Variants in MBNL1 observed in about 807,000 individuals in gnomAD.
The protein encoded by MBNL1 is muscleblind-like protein 1.
MBNL1 carries 8 observed loss-of-function variants against 42.2 expected under a neutral mutation model. The ratio of observed to expected loss-of-function variants is 0.19; its 90% CI spans 0.11 to 0.34. MBNL1 has a LOEUF of 0.34. Ranked by LOEUF, MBNL1 falls within the 10% of genes least tolerant of loss-of-function variation. The pLI, the probability that MBNL1 is intolerant of heterozygous loss-of-function variation, is 1.00. For missense variants in MBNL1, 309 were observed against 495.3 expected (o/e 0.62, Z 3.57); for synonymous variants, 169 against 173.9 (o/e 0.97, Z 0.22).
At chr3:152,297,647 C>T (rs1268213154) in intron 1 of MBNL1, among the ~76,000 whole-genome samples, 1 of 151,948 alleles carries the variant, frequency 6.6e-6, no homozygotes, top group Non-Finnish European at 1.5e-5. Flanking sequence ...AGCCACTGTG[C>T]CCAGCCATGG....
chr3:152,338,704 C>T (rs983972941), intron 2 of MBNL1: 5 of 984,916 alleles, frequency 5.1e-6, no homozygotes, highest in Non-Finnish European at 6.0e-6. Flanking sequence ...GGAAGCCGTT[C>T]TAGAAGCTAA....
At chr3:152,328,624 A>T (rs1560165623) in intron 2 of MBNL1, among the ~76,000 whole-genome samples, 1 of 152,198 alleles carries the variant, frequency 6.6e-6, no homozygotes. Context: ...CTTTGCTAAC[A>T]TGCTTTATGA....
intron 2 of MBNL1, chr3:152,335,097 T>A: frequency 1.6e-6 from 2 of 1,283,270 alleles, no homozygotes; most frequent in Non-Finnish European, 2.0e-6. Context: ...TATCCATTAC[T>A]CTTGGTGCTG....
intron 2 of MBNL1, among the ~76,000 whole-genome samples, chr3:152,353,871 A>G (rs531687739): frequency 7.2e-5 from 11 of 152,298 alleles, no homozygotes; most frequent in Non-Finnish European, 1.5e-4. Context: ...AATATTAGAA[A>G]AGATGAGAGA....
chr3:152,303,193 A>C (rs1474723337), intron 2 of MBNL1, among the ~76,000 whole-genome samples: 4 of 152,160 alleles, frequency 2.6e-5, no homozygotes, highest in Admixed American at 6.5e-5. Context: ...ATGTAAATGT[A>C]GAAGTCTGTA....
chr3:152,319,847 A>G (rs1041569528), intron 2 of MBNL1, among the ~76,000 whole-genome samples: 8 of 152,012 alleles, frequency 5.3e-5, no homozygotes, highest in African/African-American at 1.9e-4. Flanking sequence ...TGTGGTCGCA[A>G]TTGACAGAAG....
chr3:152,399,393 C>A (rs2098120665), intron 2 of MBNL1, among the ~76,000 whole-genome samples: 1 of 152,124 alleles, frequency 6.6e-6, no homozygotes, highest in African/African-American at 2.4e-5. Flanking sequence ...TTCTCTTTTG[C>A]ATCTATGTCT....
At chr3:152,376,715 T>C (rs2096916961) in intron 2 of MBNL1, among the ~76,000 whole-genome samples, 1 of 152,172 alleles carries the variant, frequency 6.6e-6, no homozygotes, top group African/African-American at 2.4e-5. Context: ...AAGCCTCATG[T>C]CATTAGCTGC....
At position 152,465,345 on chromosome 3, in the gene MBNL1, A is replaced by G. The variant is rs994536549; in HGVS notation, c.*2979A>G. 1 of 152,538 alleles carries G rather than the reference A, an allele frequency of 6.6e-6. No homozygotes were observed. The highest frequency in any genetic ancestry group is 1.5e-5 in the Non-Finnish European group (1 of 68,048). 9.4% of individuals were successfully genotyped at this position (152,538 alleles called of 1,614,324 possible). On this transcript the variant is annotated 3_prime_UTR_variant, in exon 10 of 10. Transcript: ENST00000324210. ...ATTTAAATCATAAACAGGCAAACCA[A>G]ACAGCACACTGTAGCTATAGTTGTT...
chr3:152,415,257 C>A, intron 3 of MBNL1, 146 bp downstream of exon 3: 1 of 709,230 alleles, frequency 1.4e-6, no homozygotes, highest in Non-Finnish European at 2.1e-6. Context: ...AAGTATCAGT[C>A]AAATGCTGGA....
chr3:152,337,692 T>A (rs1017340808), intron 2 of MBNL1, among the ~76,000 whole-genome samples: 7 of 152,100 alleles, frequency 4.6e-5, no homozygotes, highest in African/African-American at 1.7e-4. Flanking sequence ...TCCTTCCTCT[T>A]CTTTATCCTT....
chr3:152,411,106 G>A (rs1478236024), intron 2 of MBNL1, among the ~76,000 whole-genome samples: 1 of 152,182 alleles, frequency 6.6e-6, no homozygotes, highest in African/African-American at 2.4e-5. Flanking sequence ...TGACCACTCA[G>A]AGAATTTCAC....
At chr3:152,452,984 G>T (rs1201085457) in intron 6 of MBNL1, among the ~76,000 whole-genome samples, 3 of 151,806 alleles carry the variant, frequency 2.0e-5, no homozygotes, top group Non-Finnish European at 4.4e-5. Context: ...AAGAGAAAAA[G>T]ATTTGTCACA....
chr3:152,260,457 T>A (rs897256671), intron 2 of MBNL1, among the ~76,000 whole-genome samples: 9 of 152,244 alleles, frequency 5.9e-5, no homozygotes, highest in Non-Finnish European at 1.0e-4. Context: ...TGTTTATAAT[T>A]TAACTATGTT....
chr3:152,447,025 G>A (rs1442689424), intron 5 of MBNL1, among the ~76,000 whole-genome samples: 1 of 152,132 alleles, frequency 6.6e-6, no homozygotes, highest in East Asian at 1.9e-4. Context: ...GAAATAGTCG[G>A]AGGACATAAA....
chr3:152,321,306 A>G (rs1220749570), intron 2 of MBNL1, among the ~76,000 whole-genome samples: 1 of 152,122 alleles, frequency 6.6e-6, no homozygotes, highest in Non-Finnish European at 1.5e-5. Flanking sequence ...TGCTACAATC[A>G]CCACTTGAGC....
chr3:152,452,830 T>G (rs1325570725), intron 6 of MBNL1, among the ~76,000 whole-genome samples: 1 of 152,188 alleles, frequency 6.6e-6, no homozygotes, highest in Non-Finnish European at 1.5e-5. Context: ...TTTTAACAGT[T>G]CTGAAAATAC....
intron 2 of MBNL1, among the ~76,000 whole-genome samples, chr3:152,314,184 T>C (rs2068919774): frequency 1.3e-5 from 2 of 152,352 alleles, no homozygotes; most frequent in South Asian, 4.1e-4. Context: ...CACTATTCTT[T>C]TCTATTTTTT....
intron 2 of MBNL1, among the ~76,000 whole-genome samples, chr3:152,359,454 G>T (rs1420537413): frequency 6.6e-6 from 1 of 152,162 alleles, no homozygotes; most frequent in Non-Finnish European, 1.5e-5. Context: ...TCTTATGGGG[G>T]TGGGGAAGGA....
Sources: allele counts gnomAD v4.1 joint callset (sites outside exome capture counted in the v4.1 genomes callset), GRCh38; gene constraint gnomAD v4.1.1; transcripts MANE v1.5; gene names NCBI Gene and HGNC (gene_info 2026-07-23, HGNC 2026-07-21).